CPA6: variants seen among roughly 807,000 people sequenced by gnomAD.
CPA6 encodes the protein carboxypeptidase A6, also known as carboxypeptidase B.
Under a neutral mutation model 63.3 loss-of-function variants are expected in CPA6, and 58 were observed. The observed-to-expected ratio is 0.92, with a 90% CI of 0.74 to 1.14. CPA6 has a LOEUF of 1.14. Among genes scored for constraint, CPA6 ranks in the 50% most tolerant of loss-of-function variants. The pLI, the probability that CPA6 is intolerant of heterozygous loss-of-function variation, is 0.00. For missense variants in CPA6, 565 were observed against 526.6 expected (o/e 1.07, Z -0.71); for synonymous variants, 185 against 179.0 (o/e 1.03, Z -0.27).
intron 5 of CPA6, among the ~76,000 whole-genome samples, chr8:67,508,134 C>T (rs1427699931): frequency 2.6e-5 from 4 of 151,116 alleles, no homozygotes; most frequent in Admixed American, 1.3e-4. Context: ...AATGGGGGCT[C>T]GAAGGAAGCT....
intron 8 of CPA6, among the ~76,000 whole-genome samples, chr8:67,455,951 G>A (rs936138490): frequency 2.0e-5 from 3 of 152,112 alleles, no homozygotes; most frequent in Non-Finnish European, 4.4e-5. Flanking sequence ...CTGGCCTCAG[G>A]TGATCCTCTT....
At chr8:67,544,672 T>C (rs1293914622) in intron 2 of CPA6, among the ~76,000 whole-genome samples, 1 of 152,240 alleles carries the variant, frequency 6.6e-6, no homozygotes, top group Admixed American at 6.5e-5. Flanking sequence ...CTAATTCATA[T>C]AATTTTATCA....
chr8:67,456,779 A>G (rs929585430), intron 8 of CPA6, among the ~76,000 whole-genome samples: 1 of 152,224 alleles, frequency 6.6e-6, no homozygotes, highest in Admixed American at 6.5e-5. Context: ...TGAGGAGATT[A>G]TTCCGGATTA....
intron 2 of CPA6, among the ~76,000 whole-genome samples, chr8:67,541,440 A>G (rs1479523950): frequency 5.3e-5 from 8 of 152,120 alleles, no homozygotes; most frequent in Non-Finnish European, 1.2e-4. Context: ...GGTTGTTTGC[A>G]TAAAAAAAGC....
intron 1 of CPA6, among the ~76,000 whole-genome samples, chr8:67,631,158 C>T (rs1246638625): frequency 6.6e-6 from 1 of 152,246 alleles, no homozygotes; most frequent in African/African-American, 2.4e-5. Context: ...GTGGGATCTA[C>T]TAGGCAAAGC....
intron 5 of CPA6, among the ~76,000 whole-genome samples, chr8:67,507,242 C>A (rs1811949378): frequency 6.6e-6 from 1 of 151,972 alleles, no homozygotes; most frequent in Non-Finnish European, 1.5e-5. Context: ...TGGTCTCTTG[C>A]AATCCTGCTG....
chr8:67,548,930 G>A (rs1352109095), intron 2 of CPA6, among the ~76,000 whole-genome samples: 1 of 152,218 alleles, frequency 6.6e-6, no homozygotes, highest in Non-Finnish European at 1.5e-5. Flanking sequence ...CAGGGGACTA[G>A]GGACTGTGCA....
At chr8:67,531,707 G>C (rs1226188565) in intron 2 of CPA6, among the ~76,000 whole-genome samples, 2 of 151,936 alleles carry the variant, frequency 1.3e-5, no homozygotes, top group Non-Finnish European at 2.9e-5. Context: ...AATATCATAA[G>C]GATTGTAAAT....
intron 2 of CPA6, among the ~76,000 whole-genome samples, chr8:67,519,787 G>C (rs1437141747): frequency 6.6e-6 from 1 of 152,180 alleles, no homozygotes; most frequent in Non-Finnish European, 1.5e-5. Context: ...TCCCCAATAG[G>C]TGTGTCTAAA....
intron 1 of CPA6, among the ~76,000 whole-genome samples, chr8:67,712,972 G>A (rs570517982): frequency 6.6e-6 from 1 of 151,228 alleles, no homozygotes; most frequent in Non-Finnish European, 1.5e-5. Context: ...GCCCCAAAGT[G>A]CAAAGAGTCA....
At chr8:67,629,750 T>C (rs936144685) in intron 1 of CPA6, among the ~76,000 whole-genome samples, 2 of 152,188 alleles carry the variant, frequency 1.3e-5, no homozygotes, top group South Asian at 2.1e-4. Context: ...GCTTTTGTAC[T>C]GCATCATTTA....
At chr8:67,541,508 C>T (rs1812703529) in intron 2 of CPA6, among the ~76,000 whole-genome samples, 1 of 152,102 alleles carries the variant, frequency 6.6e-6, no homozygotes, top group Non-Finnish European at 1.5e-5. Flanking sequence ...ATGCAGCCCC[C>T]AGTCACATAC....
rs138279913 is a variant in CPA6, at chr8:67,434,176, C to A, written c.903G>T (p.Pro301=). The part of the protein sequence containing the change: ...TYCGPFPESE[P]EVKAVANFLR... ...GGAAGTTAGCTACAGCCTTCACTTC[C>A]GGCTCAGATTCTGGAAAAGGGCCAC... Residue 301 remains proline, a synonymous_variant, in exon 9 of 11, where the codon CCG becomes CCT. Transcript: ENST00000297770. 5 of 1,613,990 alleles carry A rather than the reference C, an allele frequency of 3.1e-6. No individual in the cohort carries two copies. The highest frequency in any genetic ancestry group is 4.2e-6 in the Non-Finnish European group (5 of 1,180,020).
chr8:67,704,240 C>CA (rs1165313641), intron 1 of CPA6, among the ~76,000 whole-genome samples: 1 of 152,160 alleles, frequency 6.6e-6, no homozygotes, highest in African/African-American at 2.4e-5. Context: ...CAAGGAACCC[C>CA]AAATACAAAT....
intron 8 of CPA6, among the ~76,000 whole-genome samples, chr8:67,470,534 T>C (rs1206527753): frequency 6.6e-6 from 1 of 152,210 alleles, no homozygotes; most frequent in Non-Finnish European, 1.5e-5. Flanking sequence ...TTTATTTTCA[T>C]GAATTGAGAC....
intron 8 of CPA6, among the ~76,000 whole-genome samples, chr8:67,444,452 G>A (rs1810368443): frequency 6.6e-6 from 1 of 152,028 alleles, no homozygotes; most frequent in South Asian, 2.1e-4. Context: ...GGAAATACTA[G>A]GCTAGAGAAA....
intron 8 of CPA6, among the ~76,000 whole-genome samples, chr8:67,452,911 G>T (rs545288857): frequency 1.2e-4 from 18 of 152,310 alleles, no homozygotes; most frequent in African/African-American, 4.3e-4. Flanking sequence ...AAGCCAATGT[G>T]GCTGGAGCCA....
At chr8:67,714,254 T>G (rs999784624) in intron 1 of CPA6, among the ~76,000 whole-genome samples, 1 of 152,192 alleles carries the variant, frequency 6.6e-6, no homozygotes, top group African/African-American at 2.4e-5. Flanking sequence ...AACTGGGGTA[T>G]GAGGGATACT....
chr8:67,606,507 C>T (rs1039783022), intron 2 of CPA6, among the ~76,000 whole-genome samples: 1 of 152,096 alleles, frequency 6.6e-6, no homozygotes, highest in African/African-American at 2.4e-5. Flanking sequence ...GACATACAAA[C>T]TAAAAAGCAG....
Sources: gnomAD v4.1 joint callset for allele counts (sites outside exome capture counted in the v4.1 genomes callset) on GRCh38, gnomAD v4.1.1 for gene constraint, MANE v1.5 for transcripts, NCBI Gene and HGNC (gene_info 2026-07-23, HGNC 2026-07-21) for gene names.